Variants in PLXNA4 observed in about 807,000 individuals in gnomAD.
The protein encoded by PLXNA4 is plexin A4.
In PLXNA4, 44 loss-of-function variants were observed where a neutral mutation model predicts 191.8. The ratio of observed to expected loss-of-function variants is 0.23; its 90% confidence interval spans 0.18 to 0.29. PLXNA4 has a LOEUF of 0.29. Among genes scored for constraint, PLXNA4 ranks in the 10% least tolerant of loss-of-function variants. The pLI is 1.00. For synonymous variants in PLXNA4, 1,082 were observed against 1,009.5 expected, an observed-to-expected ratio of 1.07 and a Z score of -1.36; for missense variants, 1,800 against 2,488.8, an observed-to-expected ratio of 0.72 and a Z score of 5.89.
At chr7:132,254,023 C>T (rs2117093597) in intron 4 of PLXNA4, among the ~76,000 whole-genome samples, 1 of 152,314 alleles carries the variant, frequency 6.6e-6, no homozygotes, top group African/African-American at 2.4e-5. Context: ...AAGCCCTTAG[C>T]AATTGTCTTC....
chr7:132,453,485 A>G (rs1231880118), intron 3 of PLXNA4, among the ~76,000 whole-genome samples: 1 of 152,042 alleles, frequency 6.6e-6, no homozygotes, highest in Non-Finnish European at 1.5e-5. Context: ...TTCAGGTCTG[A>G]GAACAGTCCC....
rs150795462 is a variant in PLXNA4 at position 132,376,033 on chromosome 7, C to T, written c.1372-77811G>A. Among the ~76,000 whole-genome samples the T allele has an allele frequency of 2.6e-5, 4 of 152,330 alleles. No individual in the cohort carries two copies. The East Asian group carries it at 7.7e-4, about 29-fold the overall frequency. Reference sequence around the variant, plus strand: ...TGACCTTAGACCAATGCCTTCACTTCAAGGGTCTCAGCTTCCCCATCTGCA... The same window carrying T: ...TGACCTTAGACCAATGCCTTCACTTTAAGGGTCTCAGCTTCCCCATCTGCA... On this transcript the variant is annotated intron_variant, in intron 3 of 31. Coordinates refer to ENST00000321063, the MANE Select transcript of PLXNA4 (RefSeq NM_020911.2).
At chr7:132,176,314 A>G (rs1796454334) in intron 20 of PLXNA4, among the ~76,000 whole-genome samples, 1 of 152,232 alleles carries the variant, frequency 6.6e-6, no homozygotes, top group African/African-American at 2.4e-5. Flanking sequence ...TTTCAACAGT[A>G]GAGAACCCAA....
intron 20 of PLXNA4, among the ~76,000 whole-genome samples, chr7:132,179,133 ACACACGTGCG>A (rs1796602054): frequency 1.9e-5 from 2 of 105,936 alleles, no homozygotes; most frequent in African/African-American, 8.6e-5. Flanking sequence ...GTGCGTGCTC[ACACACGTGCG>A]TGCTCACACA....
intron 1 of PLXNA4, among the ~76,000 whole-genome samples, chr7:132,551,157 C>T (rs1243504035): frequency 2.6e-5 from 4 of 152,148 alleles, no homozygotes; most frequent in Admixed American, 2.0e-4. Context: ...CCTGGCATGC[C>T]GAACTTGGAG....
At chr7:132,563,807 TCCTCC>T (rs1181250532) in intron 1 of PLXNA4, among the ~76,000 whole-genome samples, 3 of 84,100 alleles carry the variant, frequency 3.6e-5, no homozygotes, top group East Asian at 4.2e-4. Flanking sequence ...CTCCTCCTTC[TCCTCC>T]TCCTTCTCCT....
At chr7:132,259,782 A>G (rs1009189833) in intron 4 of PLXNA4, among the ~76,000 whole-genome samples, 17 of 152,230 alleles carry the variant, frequency 1.1e-4, no homozygotes, top group Non-Finnish European at 2.5e-4. Flanking sequence ...ACAATGGAAT[A>G]TTATTCAGTT....
chr7:132,382,461 G>A (rs17166411), intron 3 of PLXNA4, among the ~76,000 whole-genome samples: 34,125 of 152,032 alleles, frequency 0.22, 4,189 homozygotes, highest in East Asian at 0.39. Flanking sequence ...AAGCTCGCCC[G>A]GAGGGATTCA....
chr7:132,384,444 T>C, intron 3 of PLXNA4: 1 of 985,602 alleles, frequency 1.0e-6, no homozygotes, highest in Non-Finnish European at 1.2e-6. Context: ...GGGGGAATTA[T>C]GGAATTGTGC....
intron 3 of PLXNA4, among the ~76,000 whole-genome samples, chr7:132,302,184 G>A (rs1238700782): frequency 1.3e-5 from 2 of 152,160 alleles, no homozygotes; most frequent in African/African-American, 4.8e-5. Context: ...CTAGTGTTAC[G>A]ACTAGTCTCA....
At chr7:132,400,675 G>T (rs560181554) in intron 3 of PLXNA4, among the ~76,000 whole-genome samples, 14 of 152,214 alleles carry the variant, frequency 9.2e-5, no homozygotes, top group African/African-American at 3.1e-4. Context: ...TGCATACCAC[G>T]CATTTACTTC....
At chr7:132,338,591 A>C (rs1351905684) in intron 3 of PLXNA4, among the ~76,000 whole-genome samples, 1 of 152,210 alleles carries the variant, frequency 6.6e-6, no homozygotes, top group African/African-American at 2.4e-5. Flanking sequence ...TTCACCCTTC[A>C]AATCATATGA....
intron 13 of PLXNA4, among the ~76,000 whole-genome samples, chr7:132,196,624 A>G (rs945122452): frequency 6.6e-6 from 1 of 152,226 alleles, no homozygotes; most frequent in African/African-American, 2.4e-5. Context: ...AATTCTGGTT[A>G]TTTAGGGAAA....
At chr7:132,600,855 A>G (rs922329465) in intron 2 of PLXNA4, among the ~76,000 whole-genome samples, 5 of 152,004 alleles carry the variant, frequency 3.3e-5, no homozygotes, top group Non-Finnish European at 7.4e-5. Flanking sequence ...TGTCTTCAGA[A>G]GTCTATTTTA....
upstream of PLXNA4, among the ~76,000 whole-genome samples, chr7:132,579,101 G>C (rs1563185689): frequency 6.6e-6 from 1 of 152,148 alleles, no homozygotes; most frequent in African/African-American, 2.4e-5. Flanking sequence ...TCCATGTAAG[G>C]TTTGCATCAC....
At chr7:132,164,091 G>C in intron 24 of PLXNA4, 51 bp downstream of exon 24, 1 of 1,609,644 alleles carries the variant, frequency 6.2e-7, no homozygotes, top group African/African-American at 1.3e-5. Flanking sequence ...GGCTACCCAG[G>C]ATGGAAGCCC....
chr7:132,574,192 C>T (rs760364173), intron 1 of PLXNA4, among the ~76,000 whole-genome samples: 2 of 152,104 alleles, frequency 1.3e-5, no homozygotes, highest in Non-Finnish European at 2.9e-5. Flanking sequence ...CCTGAGGCTG[C>T]GAATACATGA....
At chr7:132,211,637 G>T (rs531321163) in intron 9 of PLXNA4, among the ~76,000 whole-genome samples, 2 of 152,358 alleles carry the variant, frequency 1.3e-5, no homozygotes, top group South Asian at 4.1e-4. Context: ...GAGGCTGGGA[G>T]GGCCTTCCCT....
In PLXNA4 at chr7:132,507,563, G is replaced by T; in HGVS notation, c.1131C>A (p.Gly377=). The stretch of plus-strand genomic sequence containing the variant: ...GCCAGGCCAGGTCCAGCGTGCCCTC[G>T]CCCCGGTAACAAGACTGCAGCCGCT... ...IKERLQSCYR[G]EGTLDLAWLK... is the part of the protein sequence containing the mutation. The change falls in exon 2 of 32, where the codon GGC becomes GGA. Residue 377 remains glycine, a synonymous_variant. Transcript: ENST00000321063. 1 of 1,613,970 alleles carries T rather than the reference G, an allele frequency of 6.2e-7. No individual in the cohort carries two copies.
Sources: gnomAD v4.1 joint callset for allele counts (sites outside exome capture counted in the v4.1 genomes callset) on GRCh38, gnomAD v4.1.1 for gene constraint, MANE v1.5 for transcripts, NCBI Gene and HGNC (gene_info 2026-07-23, HGNC 2026-07-21) for gene names.